SEMA3E: variants seen among roughly 807,000 people sequenced by gnomAD.
SEMA3E encodes the protein semaphorin 3E.
In SEMA3E, 49 loss-of-function variants were observed where a neutral mutation model predicts 93.6. The ratio of observed to expected loss-of-function variants is 0.52; its 90% confidence interval spans 0.42 to 0.66. The LOEUF (loss-of-function observed/expected upper bound fraction) is 0.66, where lower values mean the gene tolerates loss of function less well. SEMA3E is among the 30% of genes least tolerant of loss of function. The pLI, the probability that SEMA3E is intolerant of heterozygous loss-of-function variation, is 0.00. For missense variants in SEMA3E, 906 were observed against 964.8 expected, an observed-to-expected ratio of 0.94 and a Z score of 0.81; for synonymous variants, 363 against 330.7, an observed-to-expected ratio of 1.10 and a Z score of -1.06.
At position 83,465,407 on chromosome 7, in the gene SEMA3E, A is replaced by C. The variant is rs1036559591; in HGVS notation, c.456+1075T>G. ...GAAACTAATGATAAAATCTCCCTAT[A>C]TAGATAGTTAACAGCTGAAGTAGTT... On this transcript the variant is annotated intron_variant, in intron 4 of 16. Coordinates refer to ENST00000643230, the MANE Select transcript of SEMA3E (RefSeq NM_012431.3). Among the ~76,000 whole-genome samples the C allele has an allele frequency of 2.0e-5, 3 of 152,038 alleles. 1 individual carries two copies.
chr7:83,535,106 T>G (rs1055428909), intron 1 of SEMA3E, among the ~76,000 whole-genome samples: 1 of 152,196 alleles, frequency 6.6e-6, no homozygotes, highest in African/African-American at 2.4e-5. Context: ...ATGCTAAATG[T>G]GAAATCAGCC....
At chr7:83,485,687 TAATAA>T (rs1790236322) in intron 2 of SEMA3E, among the ~76,000 whole-genome samples, 1 of 152,008 alleles carries the variant, frequency 6.6e-6, no homozygotes, top group South Asian at 2.1e-4. Flanking sequence ...GGAAAATATA[TAATAA>T]AATAATTTTT....
At chr7:83,427,057 T>A (rs2722962) in intron 4 of SEMA3E, among the ~76,000 whole-genome samples, 146,564 of 152,170 alleles carry the variant, frequency 0.96, 70,830 homozygotes, top group South Asian at 1. Flanking sequence ...TATAAAAATG[T>A]TTATTTTATC....
chr7:83,411,486 C>T (rs1013457895), intron 5 of SEMA3E, among the ~76,000 whole-genome samples: 5 of 151,962 alleles, frequency 3.3e-5, no homozygotes, highest in African/African-American at 1.2e-4. Context: ...TAAAAAAATT[C>T]ATAGTAATTG....
chr7:83,486,844 ATTAG>A (rs1245205698), intron 2 of SEMA3E, among the ~76,000 whole-genome samples: 2 of 152,034 alleles, frequency 1.3e-5, no homozygotes, highest in Non-Finnish European at 2.9e-5. Flanking sequence ...TGTTAATTAT[ATTAG>A]TTAAAAGTCT....
At chr7:83,605,271 C>G (rs1022189555) in intron 1 of SEMA3E, among the ~76,000 whole-genome samples, 2 of 152,142 alleles carry the variant, frequency 1.3e-5, no homozygotes, top group Admixed American at 1.3e-4. Flanking sequence ...ATTCCTATTT[C>G]TCCACAGACT....
chr7:83,627,525 T>C (rs1413598361), intron 1 of SEMA3E, among the ~76,000 whole-genome samples: 1 of 152,190 alleles, frequency 6.6e-6, no homozygotes, highest in Non-Finnish European at 1.5e-5. Flanking sequence ...TTAGCTCTTC[T>C]TGTTGCATTG....
chr7:83,480,588 T>C, intron 2 of SEMA3E, among the ~76,000 whole-genome samples: 1 of 152,182 alleles, frequency 6.6e-6, no homozygotes, highest in South Asian at 2.1e-4. Context: ...GCAAGATATT[T>C]TGTAGTTATT....
At chr7:83,568,842 C>T (rs567570557) in intron 1 of SEMA3E, among the ~76,000 whole-genome samples, 2 of 152,138 alleles carry the variant, frequency 1.3e-5, no homozygotes, top group Admixed American at 6.5e-5. Flanking sequence ...TTTACTCTTC[C>T]TAGTCAACAT....
Position 83,363,995 on chromosome 7 carries a change from C to A in SEMA3E, c.*3591G>T, listed in dbSNP as rs1329858575. 10 of 148,464 alleles carry A rather than the reference C, an allele frequency of 6.7e-5. No individual in the cohort carries two copies. Among genetic ancestry groups the A allele is most frequent in the African/African-American group, 2.2e-4 (9 of 40,506 alleles). 9.2% of individuals were successfully genotyped at this position (148,464 alleles called of 1,614,324 possible). A position where few individuals can be genotyped will look rare whatever the true frequency, so the allele number is the denominator to read the frequency against. ...CTGCAAGCTCCGCTTCCCGGGTTCA[C>A]GCCATTCTCCTGCCTCAGCCTCCCA... On this transcript the variant is annotated 3_prime_UTR_variant, in exon 17 of 17. Transcript: ENST00000643230.
intron 1 of SEMA3E, among the ~76,000 whole-genome samples, chr7:83,570,280 G>A (rs918802788): frequency 7.2e-5 from 11 of 152,068 alleles, no homozygotes; most frequent in African/African-American, 2.4e-4. Flanking sequence ...GAGGCCGGGC[G>A]CGGTGGCTCA....
chr7:83,554,417 T>TA (rs1299634356), intron 1 of SEMA3E, among the ~76,000 whole-genome samples: 1 of 152,144 alleles, frequency 6.6e-6, no homozygotes, highest in Admixed American at 6.5e-5. Context: ...GGCCTTTGGG[T>TA]AAAGATACGT....
chr7:83,531,642 C>A (rs997546485), intron 1 of SEMA3E, among the ~76,000 whole-genome samples: 37 of 152,010 alleles, frequency 2.4e-4, no homozygotes, highest in African/African-American at 8.5e-4. Context: ...CGTGAGCCAC[C>A]GTTCCCAGCC....
chr7:83,420,804 C>T (rs1335567463), intron 4 of SEMA3E, among the ~76,000 whole-genome samples: 1 of 152,180 alleles, frequency 6.6e-6, no homozygotes, highest in East Asian at 1.9e-4. Flanking sequence ...CCTACTTTTG[C>T]CATATACAAA....
At chr7:83,522,205 A>C (rs1200540792) in intron 1 of SEMA3E, among the ~76,000 whole-genome samples, 1 of 152,110 alleles carries the variant, frequency 6.6e-6, no homozygotes, top group Non-Finnish European at 1.5e-5. Flanking sequence ...TCTACAAATT[A>C]CTTTTTGCTT....
At chr7:83,445,011 T>C (rs991924513) in intron 4 of SEMA3E, among the ~76,000 whole-genome samples, 1 of 151,878 alleles carries the variant, frequency 6.6e-6, no homozygotes, top group African/African-American at 2.4e-5. Context: ...GTCCTAAAAA[T>C]GAAAGGAAGA....
At chr7:83,427,909 T>C (rs1788804328) in intron 4 of SEMA3E, among the ~76,000 whole-genome samples, 8 of 152,204 alleles carry the variant, frequency 5.3e-5, no homozygotes, top group Admixed American at 5.2e-4. Context: ...ACAGCTGGAA[T>C]TTCTGCCTGA....
chr7:83,521,116 A>G (rs1468965784), intron 1 of SEMA3E, among the ~76,000 whole-genome samples: 1 of 151,366 alleles, frequency 6.6e-6, no homozygotes, highest in African/African-American at 2.4e-5. Flanking sequence ...CTGTGTATAG[A>G]TGCACAAAAT....
At chr7:83,524,812 G>C (rs1219742389) in intron 1 of SEMA3E, among the ~76,000 whole-genome samples, 3 of 151,898 alleles carry the variant, frequency 2.0e-5, no homozygotes, top group Admixed American at 2.0e-4. Context: ...GGATGCATCA[G>C]GTAGTCCATC....
Sources: gnomAD v4.1 joint callset for allele counts (sites outside exome capture counted in the v4.1 genomes callset) on GRCh38, gnomAD v4.1.1 for gene constraint, MANE v1.5 for transcripts, NCBI Gene and HGNC (gene_info 2026-07-23, HGNC 2026-07-21) for gene names.